The following ADARB1 variants were observed in gnomAD, a reference collection of about 807,000 sequenced individuals.
The protein encoded by ADARB1 is adenosine deaminase RNA specific B1.
In ADARB1, 10 loss-of-function variants were observed where a neutral mutation model predicts 52.4. The ratio of observed to expected loss-of-function variants is 0.19; its 90% CI spans 0.12 to 0.32. ADARB1 has a LOEUF of 0.32. Ranked by LOEUF, ADARB1 falls within the 10% of genes least tolerant of loss-of-function variation. The pLI is 1.00. For missense variants in ADARB1, 643 were observed against 922.3 expected (o/e 0.70, Z 3.92); for synonymous variants, 349 against 371.1 (o/e 0.94, Z 0.68).
intron 1 of ADARB1, among the ~76,000 whole-genome samples, chr21:45,086,971 A>G (rs1054846957): frequency 1.3e-5 from 2 of 152,242 alleles, no homozygotes; most frequent in African/African-American, 2.4e-5. Flanking sequence ...GTATGAGCCT[A>G]CTATAGGATG....
At chr21:45,102,798 G>T (rs1158367856) in intron 1 of ADARB1, among the ~76,000 whole-genome samples, 4 of 152,226 alleles carry the variant, frequency 2.6e-5, no homozygotes, top group African/African-American at 9.7e-5. Flanking sequence ...GATCATCTCT[G>T]CATCTGCTGT....
intron 1 of ADARB1, among the ~76,000 whole-genome samples, chr21:45,098,329 G>A (rs1030430654): frequency 6.6e-6 from 1 of 152,150 alleles, no homozygotes; most frequent in Non-Finnish European, 1.5e-5. Flanking sequence ...TCCTCCCTTG[G>A]ACCACTCTCC....
intron 2 of ADARB1, among the ~76,000 whole-genome samples, chr21:45,163,822 CTG>C (rs34005047): frequency 0.51 from 77,467 of 151,816 alleles, 20,093 homozygotes; most frequent in South Asian, 0.58. Flanking sequence ...ATCTGGCCCT[CTG>C]TGCTCTGCCA....
chr21:45,180,502 A>G (rs760748663), intron 5 of ADARB1, 58 bp downstream of exon 5: 2 of 1,407,234 alleles, frequency 1.4e-6, no homozygotes, highest in South Asian at 1.2e-5. Flanking sequence ...CAAATGTGAA[A>G]TGTTCTCAAT....
intron 1 of ADARB1, among the ~76,000 whole-genome samples, chr21:45,090,506 C>A (rs2086519927): frequency 6.6e-6 from 1 of 152,066 alleles, no homozygotes; most frequent in Non-Finnish European, 1.5e-5. Flanking sequence ...ATGTCCCTAC[C>A]GTGCCCTATT....
chr21:45,119,696 G>A (rs1456841865), intron 1 of ADARB1, among the ~76,000 whole-genome samples: 1 of 152,190 alleles, frequency 6.6e-6, no homozygotes, highest in Non-Finnish European at 1.5e-5. Flanking sequence ...TGTTACTGCT[G>A]CATCAGAATT....
Position 45,116,053 on chromosome 21 carries a change from T to C in ADARB1, c.-219-12349T>C, listed in dbSNP as rs376973946. On this transcript the variant is annotated intron_variant, in intron 1 of 10. Transcript: ENST00000348831. Reference sequence around the variant, plus strand: ...TGCTGAGTGCAGACTAAGTCCTTTGTGCAAGGTTGGGTCATCCTGGGGTGA... The same window carrying C: ...TGCTGAGTGCAGACTAAGTCCTTTGCGCAAGGTTGGGTCATCCTGGGGTGA... Among the ~76,000 whole-genome samples the C allele has an allele frequency of 2.6e-5, 4 of 152,360 alleles. No individual in the cohort carries two copies. In the East Asian group the frequency reaches 7.7e-4, roughly 29 times the overall value.
At chr21:45,111,935 C>T (rs1379489486) in intron 1 of ADARB1, among the ~76,000 whole-genome samples, 1 of 152,170 alleles carries the variant, frequency 6.6e-6, no homozygotes, top group African/African-American at 2.4e-5. Context: ...TGGCATGGTG[C>T]CTGGTTGGGC....
At chr21:45,179,197 T>C (rs887006860) in intron 4 of ADARB1, among the ~76,000 whole-genome samples, 1 of 152,202 alleles carries the variant, frequency 6.6e-6, no homozygotes, top group Non-Finnish European at 1.5e-5. Flanking sequence ...GCATTGCAGA[T>C]GCCGCTGCCT....
chr21:45,104,152 C>G (rs1389309147), intron 1 of ADARB1, among the ~76,000 whole-genome samples: 2 of 152,208 alleles, frequency 1.3e-5, no homozygotes, highest in Non-Finnish European at 2.9e-5. Context: ...GCCTGCTACC[C>G]TCTCCTTCCA....
intron 9 of ADARB1, among the ~76,000 whole-genome samples, chr21:45,218,648 C>T (rs1314451887): frequency 6.6e-6 from 1 of 152,220 alleles, no homozygotes; most frequent in Non-Finnish European, 1.5e-5. Flanking sequence ...CTGCTACACT[C>T]TGCCTGGGTT....
rs376775873 is a variant in ADARB1, at chr21:45,171,705, G to T, written c.28+21G>T. The T allele has an allele frequency of 1.1e-3, 1,737 of 1,598,872 alleles. 2 individuals are homozygous for T. The highest frequency in any genetic ancestry group is 1.4e-3 in the Non-Finnish European group (1,639 of 1,172,946). On this transcript the variant is annotated intron_variant, in intron 3 of 10. Coordinates refer to ENST00000348831, the MANE Select transcript of ADARB1 (RefSeq NM_001112.4). ...CATGAGTAAGATCTAGGCCTATCAC[G>T]TAGTATCAGATAGCTAATTTTATGT... is the stretch of plus-strand genomic sequence containing the variant.
At chr21:45,141,685 G>A (rs950941470) in intron 2 of ADARB1, among the ~76,000 whole-genome samples, 3 of 151,146 alleles carry the variant, frequency 2.0e-5, no homozygotes, top group Non-Finnish European at 3.0e-5. Flanking sequence ...TCCCTGGGTC[G>A]CCTTAGCCAC....
At chr21:45,190,986 T>C (rs2146261628) in intron 8 of ADARB1, among the ~76,000 whole-genome samples, 1 of 152,326 alleles carries the variant, frequency 6.6e-6, no homozygotes, top group East Asian at 1.9e-4. Flanking sequence ...AATCTCTTCC[T>C]AGTTTTACAA....
intron 2 of ADARB1, among the ~76,000 whole-genome samples, chr21:45,146,699 A>C (rs1163626932): frequency 6.6e-6 from 1 of 152,254 alleles, no homozygotes; most frequent in East Asian, 1.9e-4. Context: ...TGTGTCCAGC[A>C]ACCAGGCAGC....
At chr21:45,209,705 A>G (rs2092731444) in intron 9 of ADARB1, among the ~76,000 whole-genome samples, 1 of 152,232 alleles carries the variant, frequency 6.6e-6, no homozygotes, top group Non-Finnish European at 1.5e-5. Context: ...CCTAAAATTC[A>G]GGAATTTCAA....
chr21:45,182,121 C>G (rs1048428988), intron 5 of ADARB1, among the ~76,000 whole-genome samples: 4 of 152,366 alleles, frequency 2.6e-5, no homozygotes, highest in Non-Finnish European at 5.9e-5. Flanking sequence ...GAAAACATCA[C>G]AAGTTAATTC....
rs2090692837 is a variant in ADARB1, at chr21:45,157,017, AG to A, written c.-47-14592del. On this transcript the variant is annotated intron_variant, in intron 2 of 10. Transcript: ENST00000348831. The surrounding 1 kb of genome is among the most constrained non-coding windows in gnomAD (Gnocchi z 4.1). ...CCCAAGTAAGGAAAGTTGAACCCCC[AG>A]TGGACAGCAGCGTTATGGATAGAAG... Among the ~76,000 whole-genome samples the A allele has an allele frequency of 6.6e-6, 1 of 152,242 alleles. No homozygotes were observed. Among genetic ancestry groups the A allele is most frequent in the Non-Finnish European group, 1.5e-5 (1 of 68,040 alleles).
intron 1 of ADARB1, among the ~76,000 whole-genome samples, chr21:45,083,656 A>G (rs1280437693): frequency 2.0e-5 from 3 of 152,240 alleles, no homozygotes; most frequent in Non-Finnish European, 4.4e-5. Context: ...AAATGAAAAA[A>G]TACATTTGAT....
Sources: allele counts gnomAD v4.1 joint callset (sites outside exome capture counted in the v4.1 genomes callset), GRCh38; gene constraint gnomAD v4.1.1; non-coding constraint Gnocchi (gnomAD v3.1); transcripts MANE v1.5; gene names NCBI Gene and HGNC (gene_info 2026-07-23, HGNC 2026-07-21).